Variants in NUCB2 observed in about 807,000 individuals in gnomAD.
NUCB2 encodes the protein nucleobindin-2.
A neutral mutation model predicts 57.9 loss-of-function variants in NUCB2; 48 were observed. That is an observed-to-expected ratio of 0.83 (90% confidence interval 0.66 to 1.05). The LOEUF is 1.05. NUCB2 is among the 50% of genes least tolerant of loss of function. The pLI, the probability that NUCB2 is intolerant of heterozygous loss-of-function variation, is 0.00. For missense variants in NUCB2, 442 were observed against 476.2 expected (o/e 0.93, Z 0.67); for synonymous variants, 139 against 152.1 (o/e 0.91, Z 0.64).
intron 1 of NUCB2, among the ~76,000 whole-genome samples, chr11:17,280,211 A>T (rs1282039848): frequency 6.6e-6 from 1 of 152,204 alleles, no homozygotes; most frequent in Non-Finnish European, 1.5e-5. Flanking sequence ...GTTTTTCATA[A>T]GCCTATAATC....
chr11:17,287,294 T>C (rs1454303748), intron 2 of NUCB2, among the ~76,000 whole-genome samples: 1 of 152,090 alleles, frequency 6.6e-6, no homozygotes, highest in Non-Finnish European at 1.5e-5. Context: ...AGCTCACCAC[T>C]GCACTTCAGC....
chr11:17,342,523 T>C (rs1344000146), intron 2 of NUCB2, among the ~76,000 whole-genome samples: 13 of 151,344 alleles, frequency 8.6e-5, no homozygotes, highest in South Asian at 2.1e-4. Context: ...TCTTTGTTCT[T>C]GTTGGTTTCA....
exon 2 of NUCB2, chr11:17,337,416 T>C (rs183086406): frequency 6.6e-6 from 1 of 152,342 alleles, no homozygotes; most frequent in African/African-American, 2.4e-5. Context: ...TCGTTTGTCA[T>C]GCAGGATTTT....
At chr11:17,296,248 T>C in intron 4 of NUCB2, 37 bp downstream of exon 4, 1 of 1,334,582 alleles carries the variant, frequency 7.5e-7, no homozygotes, top group African/African-American at 1.5e-5. Context: ...TATATGTATC[T>C]TAATTTAAAA....
intron 5 of NUCB2, among the ~76,000 whole-genome samples, chr11:17,304,776 A>G (rs975234484): frequency 5.3e-5 from 8 of 152,220 alleles, no homozygotes; most frequent in Admixed American, 2.0e-4. Flanking sequence ...AGCAACAAAG[A>G]TAAAATGTCC....
At chr11:17,309,497 C>T in intron 5 of NUCB2, 75 bp from the exon 6 acceptor site, 1 of 847,722 alleles carries the variant, frequency 1.2e-6, no homozygotes, top group Non-Finnish European at 1.8e-6. Context: ...AATATGAAAT[C>T]TTTTTCTTGT....
chr11:17,345,573 G>C (rs1020807065), intron 2 of NUCB2, among the ~76,000 whole-genome samples: 2 of 152,098 alleles, frequency 1.3e-5, no homozygotes, highest in East Asian at 1.9e-4. Flanking sequence ...CGGGCGTGGT[G>C]GTGGGCGCCT....
At chr11:17,310,016 G>A (rs966043840) in intron 6 of NUCB2, among the ~76,000 whole-genome samples, 2 of 152,122 alleles carry the variant, frequency 1.3e-5, no homozygotes, top group African/African-American at 4.8e-5. Flanking sequence ...ATGCTACAGG[G>A]ATATTCCATA....
At chr11:17,302,530 A>G (rs1946907508) in intron 5 of NUCB2, among the ~76,000 whole-genome samples, 1 of 152,114 alleles carries the variant, frequency 6.6e-6, no homozygotes, top group African/African-American at 2.4e-5. Flanking sequence ...TAGCCCCAGA[A>G]AAAAACACAA....
chr11:17,285,781 G>A (rs867219243), intron 2 of NUCB2, among the ~76,000 whole-genome samples: 39 of 150,668 alleles, frequency 2.6e-4, no homozygotes, highest in Middle Eastern at 6.9e-3. Flanking sequence ...TATAAAGGAG[G>A]AACAGAGACT....
intron 11 of NUCB2, among the ~76,000 whole-genome samples, chr11:17,327,013 G>A (rs1950773208): frequency 6.6e-6 from 1 of 152,100 alleles, no homozygotes; most frequent in African/African-American, 2.4e-5. Context: ...TTTCCTGTCA[G>A]TACTGCAAAT....
At chr11:17,327,175 T>G (rs1049708532) in intron 11 of NUCB2, among the ~76,000 whole-genome samples, 1 of 152,056 alleles carries the variant, frequency 6.6e-6, no homozygotes, top group African/African-American at 2.4e-5. Context: ...ATTCTTGTGG[T>G]TTAGGCTCCC....
At chr11:17,290,078 A>G (rs1375229211) in intron 2 of NUCB2, among the ~76,000 whole-genome samples, 1 of 152,344 alleles carries the variant, frequency 6.6e-6, no homozygotes, top group South Asian at 2.1e-4. Context: ...AAAACGTAAC[A>G]TGGCTTTGTC....
chr11:17,333,702 A>T (rs1165114755), downstream of NUCB2: 1 of 152,114 alleles, frequency 6.6e-6, no homozygotes, highest in Admixed American at 6.6e-5. Context: ...TTGGCAGAAA[A>T]TTCTTAAGGG....
At chr11:17,318,329 T>TA (rs35980924) in intron 11 of NUCB2, among the ~76,000 whole-genome samples, 35,526 of 149,974 alleles carry the variant, frequency 0.24, 4,858 homozygotes, top group East Asian at 0.51. Context: ...AAGTCAGCTT[T>TA]AAAAAAAAAA....
In NUCB2 at chr11:17,310,816, G is replaced by A; in HGVS notation, c.484-9G>A. 1.3e-6 allele frequency: 2 copies of A among 1,566,604 alleles called. No homozygotes were observed. Among genetic ancestry groups the A allele is most frequent in the Non-Finnish European group, 1.7e-6 (2 of 1,163,792 alleles). On this transcript the variant is annotated splice_polypyrimidine_tract_variant and intron_variant, in intron 6 of 13. Transcript: ENST00000529010. ...TTTTATTTAACTTAAATGCATTATTGCATTTCAGGCAACAAGTGATCTGGA... is the reference window on the plus strand; with the variant it reads ...TTTTATTTAACTTAAATGCATTATTACATTTCAGGCAACAAGTGATCTGGA...
chr11:17,336,938 C>T (rs1951864504), downstream of NUCB2, among the ~76,000 whole-genome samples: 1 of 151,506 alleles, frequency 6.6e-6, no homozygotes, highest in South Asian at 2.1e-4. Context: ...TTTTTGATAA[C>T]ATGATTTTTT....
intron 2 of NUCB2, among the ~76,000 whole-genome samples, chr11:17,294,706 T>G (rs1204475408): frequency 7.2e-6 from 1 of 139,584 alleles, no homozygotes; most frequent in Non-Finnish European, 1.5e-5. Flanking sequence ...AAAAAAGCCA[T>G]GGCTAGATTG....
At chr11:17,290,027 T>A (rs1254803011) in intron 2 of NUCB2, among the ~76,000 whole-genome samples, 1 of 152,242 alleles carries the variant, frequency 6.6e-6, no homozygotes, top group African/African-American at 2.4e-5. Context: ...TCATTTGCAT[T>A]GTTTGGCTGC....
Sources: allele counts gnomAD v4.1 joint callset (sites outside exome capture counted in the v4.1 genomes callset), GRCh38; gene constraint gnomAD v4.1.1; transcripts MANE v1.5; gene names NCBI Gene and HGNC (gene_info 2026-07-23, HGNC 2026-07-21).